Variants in HDAC9 observed in about 807,000 individuals in gnomAD.
The protein encoded by HDAC9 is MEF-2 interacting transcription repressor (MITR) protein.
In HDAC9, 41 loss-of-function variants were observed where a neutral mutation model predicts 139.4. That is an observed-to-expected ratio of 0.29 (90% CI 0.23 to 0.38). The LOEUF (loss-of-function observed/expected upper bound fraction) is 0.38. Ranked by LOEUF, HDAC9 falls within the 10% of genes least tolerant of loss-of-function variation. The probability of loss-of-function intolerance (pLI) is 1.00; values close to 1 mark genes in which losing one functional copy is unlikely to be tolerated. For synonymous variants in HDAC9, 517 were observed against 476.2 expected (o/e 1.09, Z -1.12); for missense variants, 1,147 against 1,297.0 (o/e 0.88, Z 1.78).
intron 20 of HDAC9, 133 bp from the exon 21 acceptor site, chr7:18,835,767 G>C: frequency 8.0e-6 from 8 of 1,002,158 alleles, no homozygotes; most frequent in Non-Finnish European, 1.2e-5. Flanking sequence ...CTGTTTGTCA[G>C]GGAAGGTTGG....
chr7:18,454,799 T>G (rs1308719098), intron 1 of HDAC9, among the ~76,000 whole-genome samples: 2 of 152,102 alleles, frequency 1.3e-5, no homozygotes, highest in Non-Finnish European at 2.9e-5. Flanking sequence ...TTAACTGTTT[T>G]GTTGTTCTAA....
At chr7:18,797,209 T>C (rs1792876826) in intron 17 of HDAC9, among the ~76,000 whole-genome samples, 1 of 152,188 alleles carries the variant, frequency 6.6e-6, no homozygotes, top group African/African-American at 2.4e-5. Flanking sequence ...TAATAAAATA[T>C]GTAAATCTGA....
intron 2 of HDAC9, among the ~76,000 whole-genome samples, chr7:18,259,546 G>A (rs1795508057): frequency 6.6e-6 from 1 of 151,782 alleles, no homozygotes; most frequent in South Asian, 2.1e-4. Flanking sequence ...GTATTTTTTT[G>A]TAGAGATAGA....
chr7:18,826,125 C>A (rs1795414759), intron 17 of HDAC9, among the ~76,000 whole-genome samples: 1 of 152,008 alleles, frequency 6.6e-6, no homozygotes, highest in Non-Finnish European at 1.5e-5. Context: ...ATAAAGGAAC[C>A]CAGATTGCAT....
chr7:18,132,203 C>T (rs1360469095), intron 1 of HDAC9, among the ~76,000 whole-genome samples: 4 of 152,048 alleles, frequency 2.6e-5, no homozygotes, highest in African/African-American at 7.2e-5. Flanking sequence ...GATGTTATTT[C>T]TCTTTTCTTC....
At chr7:18,719,473 G>A (rs1784974987) in intron 12 of HDAC9, among the ~76,000 whole-genome samples, 1 of 151,050 alleles carries the variant, frequency 6.6e-6, no homozygotes, top group South Asian at 2.1e-4. Context: ...CCTAGTAGCT[G>A]GGATTACAGG....
At chr7:18,937,327 C>G (rs924710069) in intron 23 of HDAC9, among the ~76,000 whole-genome samples, 1 of 152,024 alleles carries the variant, frequency 6.6e-6, no homozygotes, top group Admixed American at 6.6e-5. Context: ...CCTGAACCAC[C>G]GTGCCTGGCT....
chr7:18,096,718 C>T (rs1782526101), intron 1 of HDAC9, among the ~76,000 whole-genome samples: 3 of 152,152 alleles, frequency 2.0e-5, no homozygotes, highest in Admixed American at 2.0e-4. Flanking sequence ...AAAGTGTTTG[C>T]TGATTGACCG....
At chr7:18,343,622 G>A (rs998817414) in intron 1 of HDAC9, among the ~76,000 whole-genome samples, 2 of 151,800 alleles carry the variant, frequency 1.3e-5, no homozygotes, top group East Asian at 3.9e-4. Flanking sequence ...TTTGCTTAAT[G>A]TACATTTTTA....
intron 12 of HDAC9, among the ~76,000 whole-genome samples, chr7:18,711,682 C>G (rs1784355900): frequency 6.6e-6 from 1 of 152,208 alleles, no homozygotes; most frequent in African/African-American, 2.4e-5. Context: ...CTCTTCATTC[C>G]TTTTAGCCCT....
At chr7:18,476,564 C>T (rs775989482) in intron 1 of HDAC9, among the ~76,000 whole-genome samples, 2 of 151,694 alleles carry the variant, frequency 1.3e-5, no homozygotes, top group Non-Finnish European at 2.9e-5. Context: ...CCCAACATGA[C>T]GTAAGTTTCT....
intron 24 of HDAC9, among the ~76,000 whole-genome samples, chr7:18,973,792 G>C (rs1448344361): frequency 6.6e-6 from 1 of 152,114 alleles, no homozygotes; most frequent in Non-Finnish European, 1.5e-5. Flanking sequence ...CTGTTACTTC[G>C]TTTTGGATTA....
intron 1 of HDAC9, among the ~76,000 whole-genome samples, chr7:18,143,725 G>A (rs559508613): frequency 2.6e-5 from 4 of 151,296 alleles, no homozygotes; most frequent in Admixed American, 6.6e-5. Flanking sequence ...GGCAGGAGGC[G>A]GAGGTTGCAG....
chr7:18,141,334 A>G (rs1405745214), intron 1 of HDAC9, among the ~76,000 whole-genome samples: 2 of 152,184 alleles, frequency 1.3e-5, no homozygotes, highest in Non-Finnish European at 2.9e-5. Context: ...CATCCTGGCA[A>G]GAGGTTTAAA....
At chr7:18,351,454 C>T (rs1156650835) in intron 1 of HDAC9, among the ~76,000 whole-genome samples, 1 of 151,728 alleles carries the variant, frequency 6.6e-6, no homozygotes, top group Non-Finnish European at 1.5e-5. Context: ...ACAAAAATCC[C>T]CCAAAACAAA....
chr7:18,341,428 T>C (rs941390508), intron 1 of HDAC9, among the ~76,000 whole-genome samples: 5 of 151,798 alleles, frequency 3.3e-5, no homozygotes, highest in African/African-American at 7.2e-5. Flanking sequence ...TTAAAAAATT[T>C]AATTCTCTTT....
intron 2 of HDAC9, among the ~76,000 whole-genome samples, chr7:18,183,264 C>T (rs913685200): frequency 6.6e-6 from 1 of 152,168 alleles, no homozygotes; most frequent in Admixed American, 6.5e-5. Context: ...CCGCCTCGGC[C>T]TCCCAAAGTG....
intron 14 of HDAC9, among the ~76,000 whole-genome samples, chr7:18,749,952 T>A (rs1213953140): frequency 6.6e-6 from 1 of 152,222 alleles, no homozygotes; most frequent in African/African-American, 2.4e-5. Context: ...GGGTCTCTGT[T>A]AGGTTCTAAA....
intron 14 of HDAC9, among the ~76,000 whole-genome samples, chr7:18,753,588 T>C (rs1471374568): frequency 6.6e-6 from 1 of 152,086 alleles, no homozygotes; most frequent in African/African-American, 2.4e-5. Flanking sequence ...AAATACATAA[T>C]AGAAGAGATA....
Sources: allele counts gnomAD v4.1 joint callset (sites outside exome capture counted in the v4.1 genomes callset), GRCh38; gene constraint gnomAD v4.1.1; transcripts MANE v1.5; gene names NCBI Gene and HGNC (gene_info 2026-07-23, HGNC 2026-07-21).